Variants in SMG6 observed in about 807,000 individuals in gnomAD.
The protein encoded by SMG6 is SMG6 nonsense mediated mRNA decay factor, also known as telomerase-binding protein EST1A.
Under a neutral mutation model 142.2 loss-of-function variants are expected in SMG6, and 66 were observed. The ratio of observed to expected loss-of-function variants is 0.46; its 90% CI spans 0.38 to 0.57. SMG6 has a LOEUF of 0.57. SMG6 is among the 20% of genes least tolerant of loss of function. The probability of loss-of-function intolerance (pLI) is 0.00; values close to 1 mark genes in which losing one functional copy is unlikely to be tolerated. For synonymous variants in SMG6, 779 were observed against 702.4 expected (o/e 1.11, Z -1.72); for missense variants, 1,793 against 1,832.0 (o/e 0.98, Z 0.39).
At chr17:2,096,072 C>CT (rs918629839) in intron 13 of SMG6, among the ~76,000 whole-genome samples, 27 of 151,938 alleles carry the variant, frequency 1.8e-4, no homozygotes, top group African/African-American at 6.3e-4. Flanking sequence ...TCTTTTTTCT[C>CT]TTTTTTTTGA....
rs1482984550 is a variant in SMG6, at chr17:2,186,669, G to C, written c.3149C>G (p.Pro1050Arg). The C allele has an allele frequency of 6.2e-7, 1 of 1,614,082 alleles. No individual in the cohort carries two copies. Among genetic ancestry groups the C allele is most frequent in the Non-Finnish European group, 8.5e-7 (1 of 1,180,028 alleles). Residue 1050 changes from proline to arginine, a missense_variant, in exon 12 of 19, where the codon CCC becomes CGC. Pro to Arg is a moderately radical substitution (Grantham distance 103). Transcript: ENST00000263073. ...AATGGGCAGGTCAACTCACTGCGAG[G>C]GCAGATCCAGGGATGTGGGAGGAGG... ...WNPPPTSLDL[P>R]SHVAVDVWST... is the part of the protein sequence containing the mutation.
chr17:2,125,599 G>T (rs2069847055), intron 13 of SMG6, among the ~76,000 whole-genome samples: 1 of 152,210 alleles, frequency 6.6e-6, no homozygotes, highest in African/African-American at 2.4e-5. Context: ...CAGATTCAAT[G>T]CAGTTCCTAT....
chr17:2,204,655 G>C (rs1249621659), intron 10 of SMG6, among the ~76,000 whole-genome samples: 1 of 152,162 alleles, frequency 6.6e-6, no homozygotes, highest in South Asian at 2.1e-4. Flanking sequence ...CTGTGGAATC[G>C]ACATACCTTT....
intron 13 of SMG6, among the ~76,000 whole-genome samples, chr17:2,090,726 G>A (rs2068693647): frequency 6.6e-6 from 1 of 152,220 alleles, no homozygotes. Context: ...TGGTTAAAGA[G>A]AACAATCACA....
chr17:2,110,624 G>C (rs182506595), intron 13 of SMG6, among the ~76,000 whole-genome samples: 1 of 152,128 alleles, frequency 6.6e-6, no homozygotes, highest in Non-Finnish European at 1.5e-5. Flanking sequence ...GAAAGCAGAC[G>C]GAAGAAAGAC....
intron 13 of SMG6, among the ~76,000 whole-genome samples, chr17:2,148,155 C>A (rs1427566240): frequency 6.6e-6 from 1 of 152,060 alleles, no homozygotes; most frequent in East Asian, 1.9e-4. Context: ...TGTGCCACTG[C>A]ACTCCAGCCT....
chr17:2,091,253 G>A (rs2068706779), intron 13 of SMG6, among the ~76,000 whole-genome samples: 1 of 152,192 alleles, frequency 6.6e-6, no homozygotes, highest in African/African-American at 2.4e-5. Context: ...GGAGGACAGA[G>A]GAAATGGTTT....
chr17:2,142,229 T>G (rs1352285745), intron 13 of SMG6, among the ~76,000 whole-genome samples: 1 of 152,204 alleles, frequency 6.6e-6, no homozygotes, highest in Non-Finnish European at 1.5e-5. Context: ...TAAACCAGAT[T>G]AATTGGACTT....
chr17:2,207,735 T>C (rs953892797), intron 10 of SMG6, among the ~76,000 whole-genome samples: 10 of 152,208 alleles, frequency 6.6e-5, no homozygotes, highest in African/African-American at 2.4e-4. Flanking sequence ...AACAGTATGC[T>C]ATAAAGCAAG....
At chr17:2,216,756 T>G (rs1417211227) in intron 10 of SMG6, among the ~76,000 whole-genome samples, 1 of 152,376 alleles carries the variant, frequency 6.6e-6, no homozygotes, top group East Asian at 1.9e-4. Context: ...CTTGTCCCCA[T>G]GGAGACATAC....
At chr17:2,091,871 A>C (rs370380005) in intron 13 of SMG6, among the ~76,000 whole-genome samples, 1 of 149,780 alleles carries the variant, frequency 6.7e-6, no homozygotes, top group African/African-American at 2.5e-5. Flanking sequence ...TTTAGTAGAG[A>C]CGAGGTTTCA....
intron 13 of SMG6, among the ~76,000 whole-genome samples, chr17:2,101,929 A>G (rs1208258239): frequency 6.6e-6 from 1 of 151,790 alleles, no homozygotes; most frequent in Non-Finnish European, 1.5e-5. Flanking sequence ...CATCTCCCCA[A>G]GGAGAAAGCT....
At chr17:2,150,114 C>G (rs931913938) in intron 13 of SMG6, among the ~76,000 whole-genome samples, 6 of 152,328 alleles carry the variant, frequency 3.9e-5, no homozygotes, top group Admixed American at 1.3e-4. Flanking sequence ...GCGGTCAAAG[C>G]AAGCAAGACC....
At chr17:2,198,972 A>T (rs1676929243) in intron 10 of SMG6, among the ~76,000 whole-genome samples, 1 of 117,104 alleles carries the variant, frequency 8.5e-6, no homozygotes, top group South Asian at 2.8e-4. Flanking sequence ...AAAAAAAAAA[A>T]AAGAAAAGTT....
chr17:2,278,445 T>C (rs113051528), intron 8 of SMG6, among the ~76,000 whole-genome samples: 259 of 152,266 alleles, frequency 1.7e-3, no homozygotes, highest in African/African-American at 4.4e-3. Context: ...CCTCAGGTGA[T>C]TGGCCCGCTT....
intron 12 of SMG6, among the ~76,000 whole-genome samples, chr17:2,175,423 CCT>C (rs1262659155): frequency 1.3e-5 from 2 of 151,978 alleles, no homozygotes; most frequent in Non-Finnish European, 2.9e-5. Flanking sequence ...GCCCCACATC[CCT>C]CTCTCATCCT....
Position 2,188,476 on chromosome 17 carries a change from T to C in SMG6, c.2909A>G (p.Gln970Arg), listed in dbSNP as rs761005572. Residue 970 changes from glutamine (Q) to arginine (R), a missense_variant, in exon 11 of 19, where the codon CAA becomes CGA. Gln to Arg is a conservative substitution (Grantham distance 43, BLOSUM62 1). Around this residue, in one of 3 missense-constraint regions of SMG6, gnomAD observed 1,597 missense variants for 1,584.6 expected, o/e 1.01. Coordinates refer to ENST00000263073, the MANE Select transcript of SMG6 (RefSeq NM_017575.5). The stretch of plus-strand genomic sequence containing the variant: ...CATGGCCAAGCCCAGAGCTGCGGCT[T>C]GTTCCTGGATCACAGAGCGGCACTC... The part of the protein sequence containing the change: ...SEECRSVIQE[Q>R]AAALGLAMFS... 6.2e-7 allele frequency: 1 copy of C among 1,614,122 alleles called. No homozygotes were observed. Among genetic ancestry groups the C allele is most frequent in the Non-Finnish European group, 8.5e-7 (1 of 1,180,000 alleles).
At chr17:2,269,345 C>G (rs563701310) in intron 8 of SMG6, among the ~76,000 whole-genome samples, 5 of 151,238 alleles carry the variant, frequency 3.3e-5, no homozygotes, top group African/African-American at 1.2e-4. Flanking sequence ...GAGCCGAGAT[C>G]GTGCCGCTGC....
At chr17:2,112,013 A>T (rs1290918926) in intron 13 of SMG6, among the ~76,000 whole-genome samples, 1 of 152,184 alleles carries the variant, frequency 6.6e-6, no homozygotes, top group African/African-American at 2.4e-5. Flanking sequence ...GTACATATTT[A>T]CAAATCTCTA....
Sources: gnomAD v4.1 joint callset for allele counts (sites outside exome capture counted in the v4.1 genomes callset) on GRCh38, gnomAD v4.1.1 for gene constraint, gnomAD v4.1.1 regional missense constraint, MANE v1.5 for transcripts, NCBI Gene and HGNC (gene_info 2026-07-23, HGNC 2026-07-21) for gene names.